The following BRAP variants were observed in gnomAD, a reference collection of about 807,000 sequenced individuals.
BRAP encodes the protein BRCA1-associated protein.
A neutral mutation model predicts 73.4 loss-of-function variants in BRAP; 42 were observed. That is an observed-to-expected ratio of 0.57 (90% CI 0.45 to 0.74). The LOEUF is 0.74. Among genes scored for constraint, BRAP ranks in the 30% least tolerant of loss-of-function variants. The probability of loss-of-function intolerance (pLI) is 0.00; values close to 1 mark genes in which losing one functional copy is unlikely to be tolerated. For synonymous variants in BRAP, 255 were observed against 267.4 expected, an observed-to-expected ratio of 0.95 and a Z score of 0.45; for missense variants, 593 against 751.4, an observed-to-expected ratio of 0.79 and a Z score of 2.46.
intron 4 of BRAP, among the ~76,000 whole-genome samples, chr12:111,674,227 G>C (rs566331633): frequency 6.6e-6 from 1 of 152,010 alleles, no homozygotes; most frequent in Admixed American, 6.6e-5. Flanking sequence ...GTGAATTCTT[G>C]ATTACTTATG....
intron 5 of BRAP, among the ~76,000 whole-genome samples, chr12:111,669,246 T>G (rs1486902723): frequency 6.6e-6 from 1 of 151,782 alleles, no homozygotes; most frequent in Non-Finnish European, 1.5e-5. Flanking sequence ...TTTTTTTTTT[T>G]GAGACGGAGT....
rs1296225564 is a variant in BRAP, at chr12:111,658,758, T to G, written c.1199A>C (p.Lys400Thr). 1 of 1,606,414 alleles carries G rather than the reference T, an allele frequency of 6.2e-7. No individual in the cohort carries two copies. Among genetic ancestry groups the G allele is most frequent in the Non-Finnish European group, 8.5e-7 (1 of 1,173,304 alleles). The change falls in exon 9 of 12, where the codon AAA (lysine) becomes ACA (threonine). Residue 400 changes from lysine (K) to threonine (T), a missense_variant. Lys to Thr is a moderately conservative substitution (Grantham distance 78, BLOSUM62 -1). Around this residue, in one of 4 missense-constraint regions of BRAP, gnomAD observed 143 missense variants for 190.4 expected, o/e 0.75. Coordinates refer to ENST00000419234, the MANE Select transcript of BRAP (RefSeq NM_006768.5). ...ECEGDTCQEE[K>T]IDALQLEYSY... ...TACCTCTAACTGTAAGGCATCTATT[T>G]TCTCTTCCTGGCAAGTATCCCCCTC... is the stretch of plus-strand genomic sequence containing the variant.
intron 4 of BRAP, among the ~76,000 whole-genome samples, chr12:111,676,872 G>T (rs995268751): frequency 4.6e-5 from 7 of 152,126 alleles, no homozygotes; most frequent in African/African-American, 1.7e-4. Context: ...CACCAAGAGG[G>T]TATTATTAGG....
Position 111,660,611 on chromosome 12 carries a change from C to A in BRAP, c.961G>T (p.Gly321Cys). The A allele has an allele frequency of 6.2e-7, 1 of 1,604,768 alleles. No homozygotes were observed. Among genetic ancestry groups the A allele is most frequent in the Non-Finnish European group, 8.5e-7 (1 of 1,175,372 alleles). Reference sequence around the variant, plus strand: ...CACCCATTACTTACTTCCTGAACACCACACTCAAAACACTTATTTTCTTCT... The same window carrying A: ...CACCCATTACTTACTTCCTGAACACAACACTCAAAACACTTATTTTCTTCT... ...PVEENKCFEC[G>C]VQENLWICLI... is the part of the protein sequence containing the mutation. The change falls in exon 7 of 12, where the codon GGT becomes TGT. Residue 321 changes from glycine (G) to cysteine (C), a missense_variant. Around this residue, in one of 4 missense-constraint regions of BRAP, gnomAD observed 67 missense variants for 158.0 expected, o/e 0.42. Coordinates refer to ENST00000419234, the MANE Select transcript of BRAP (RefSeq NM_006768.5).
intron 6 of BRAP, among the ~76,000 whole-genome samples, chr12:111,662,998 G>A (rs1886812149): frequency 6.7e-6 from 1 of 150,354 alleles, no homozygotes; most frequent in Non-Finnish European, 1.5e-5. Context: ...TTTCAGAACT[G>A]GTTCTGAAAT....
At chr12:111,648,401 C>A (rs1212140736) in intron 11 of BRAP, among the ~76,000 whole-genome samples, 1 of 138,864 alleles carries the variant, frequency 7.2e-6, no homozygotes, top group Non-Finnish European at 1.5e-5. Context: ...ATCATGAGGT[C>A]AAGAGATCGA....
chr12:111,670,273 A>C, intron 5 of BRAP: 2 of 587,800 alleles, frequency 3.4e-6, no homozygotes, highest in Non-Finnish European at 3.3e-6. Context: ...TACTGGAAGA[A>C]ACAGTTTTAG....
At chr12:111,657,065 C>T (rs892774757) in intron 9 of BRAP, among the ~76,000 whole-genome samples, 30 of 151,940 alleles carry the variant, frequency 2.0e-4, no homozygotes, top group Non-Finnish European at 3.5e-4. Flanking sequence ...TTTTTGGAGA[C>T]GGAGTTTCGC....
chr12:111,677,217 A>G (rs538057839), intron 4 of BRAP, among the ~76,000 whole-genome samples: 1 of 152,358 alleles, frequency 6.6e-6, no homozygotes, highest in Admixed American at 6.5e-5. Context: ...ACGACTTCAG[A>G]CTATTTCAAA....
intron 8 of BRAP, 35 bp from the exon 9 acceptor site, chr12:111,658,880 G>A: frequency 6.6e-7 from 1 of 1,515,376 alleles, no homozygotes; most frequent in Non-Finnish European, 9.1e-7. Flanking sequence ...TGTTTCTTTA[G>A]AATGAAAAGG....
At chr12:111,681,159 C>T (rs1438740675) in intron 3 of BRAP, among the ~76,000 whole-genome samples, 3 of 151,978 alleles carry the variant, frequency 2.0e-5, no homozygotes, top group African/African-American at 7.2e-5. Context: ...AACCTGAGGT[C>T]GGAGTTCAAG....
At chr12:111,669,499 T>C (rs1359570787) in intron 5 of BRAP, among the ~76,000 whole-genome samples, 1 of 152,198 alleles carries the variant, frequency 6.6e-6, no homozygotes, top group African/African-American at 2.4e-5. Context: ...GTGCTGGGAT[T>C]ACAGGTGTGA....
chr12:111,681,679 G>A lies in BRAP; in HGVS notation c.401C>T (p.Ser134Leu), dbSNP rs1887606316. Residue 134 changes from serine to leucine, a missense_variant, in exon 3 of 12, where the codon TCA (serine) becomes TTA (leucine). By Grantham distance (145) the Ser-to-Leu change is moderately radical (BLOSUM62 -2). This residue lies in a region of BRAP where 304 missense variants were observed against 337.7 expected (regional missense o/e 0.90). Transcript: ENST00000419234. ...CATAATACCATGAACTATTTCAACTGATGGATTTCCACTGAAGAATGAAAT... is the reference window on the plus strand; with the variant it reads ...CATAATACCATGAACTATTTCAACTAATGGATTTCCACTGAAGAATGAAAT... ...DQISFFSGNP[S>L]VEIVHGIMHL... The A allele has an allele frequency of 6.2e-7, 1 of 1,613,462 alleles. No individual in the cohort carries two copies. Among genetic ancestry groups the A allele is most frequent in the Non-Finnish European group, 8.5e-7 (1 of 1,179,854 alleles).
chr12:111,670,167 C>T, intron 5 of BRAP: 1 of 613,688 alleles, frequency 1.6e-6, no homozygotes, highest in South Asian at 1.4e-5. Flanking sequence ...AAGGCAAATC[C>T]AAACTTGGAG....
In BRAP at chr12:111,659,331, A is replaced by T. The variant is rs780421534; in HGVS notation, c.987T>A (p.Cys329Ter). The T allele has an allele frequency of 6.2e-7, 1 of 1,612,788 alleles. No individual in the cohort carries two copies. The highest frequency in any genetic ancestry group is 8.5e-7 in the Non-Finnish European group (1 of 1,179,466). Reference sequence around the variant, plus strand: ...CACATCCTATGTGGCCGCATATTAAACAAATCCAAAGATTCTGCCGGAAGA... The same window carrying T: ...CACATCCTATGTGGCCGCATATTAATCAAATCCAAAGATTCTGCCGGAAGA... ...ECGVQENLWI[C>*]LICGHIGCGR... is the part of the protein sequence containing the mutation. Residue 329 changes from cysteine (C) to a stop codon, truncating the protein, a stop_gained, in exon 8 of 12, where the codon TGT (cysteine) becomes TGA (stop). Transcript: ENST00000419234. LOFTEE classifies it high-confidence loss of function.
chr12:111,647,362 G>C (rs778370533), intron 11 of BRAP, among the ~76,000 whole-genome samples: 1 of 152,050 alleles, frequency 6.6e-6, no homozygotes, highest in Non-Finnish European at 1.5e-5. Flanking sequence ...ATTTAGATGT[G>C]CTAGTATGAA....
intron 4 of BRAP, 70 bp downstream of exon 4, chr12:111,679,081 A>G: frequency 8.9e-7 from 1 of 1,128,152 alleles, no homozygotes; most frequent in Non-Finnish European, 1.2e-6. Flanking sequence ...AATCACACAC[A>G]GCTATCATAC....
At chr12:111,678,842 G>A (rs1887487092) in intron 4 of BRAP, among the ~76,000 whole-genome samples, 1 of 151,600 alleles carries the variant, frequency 6.6e-6, no homozygotes, top group Admixed American at 6.6e-5. Flanking sequence ...CATGAGGCCA[G>A]GTGCAGTGGC....
At chr12:111,679,102 C>A in intron 4 of BRAP, 49 bp downstream of exon 4, 1 of 1,348,812 alleles carries the variant, frequency 7.4e-7, no homozygotes, top group Non-Finnish European at 9.9e-7. Context: ...AGTTTGAATA[C>A]CACAGTTTCT....
Sources: gnomAD v4.1 joint callset for allele counts (sites outside exome capture counted in the v4.1 genomes callset) on GRCh38, gnomAD v4.1.1 for gene constraint, gnomAD v4.1.1 regional missense constraint, MANE v1.5 for transcripts, NCBI Gene and HGNC (gene_info 2026-07-23, HGNC 2026-07-21) for gene names.